PGD: variants seen among roughly 807,000 people sequenced by gnomAD.
PGD encodes the protein 6-phosphogluconate dehydrogenase, decarboxylating.
A neutral mutation model predicts 60.4 loss-of-function variants in PGD; 21 were observed. That is an observed-to-expected ratio of 0.35 (90% CI 0.25 to 0.50). The LOEUF (loss-of-function observed/expected upper bound fraction) is 0.50. PGD is among the 20% of genes least tolerant of loss of function. The probability of loss-of-function intolerance (pLI) is 0.98; values close to 1 mark genes in which losing one functional copy is unlikely to be tolerated. For missense variants in PGD, 477 were observed against 613.1 expected, an observed-to-expected ratio of 0.78 and a Z score of 2.34; for synonymous variants, 230 against 235.9, an observed-to-expected ratio of 0.97 and a Z score of 0.23.
chr1:10,401,489 G>A (rs556256750), intron 3 of PGD, among the ~76,000 whole-genome samples: 1 of 152,250 alleles, frequency 6.6e-6, no homozygotes, highest in African/African-American at 2.4e-5. Context: ...CAACAGTGGG[G>A]TTGTTTCCAC....
chr1:10,410,678 G>A (rs1639485376), intron 6 of PGD, among the ~76,000 whole-genome samples: 2 of 151,976 alleles, frequency 1.3e-5, no homozygotes, highest in Admixed American at 6.6e-5. Context: ...AATAATTTTC[G>A]GATAATCTGG....
chr1:10,404,101 T>C, intron 4 of PGD, 60 bp from the exon 5 acceptor site: 1 of 1,196,096 alleles, frequency 8.4e-7, no homozygotes, highest in East Asian at 2.4e-5. Context: ...GGTAGCATAA[T>C]GAAACATGGA....
rs367826433 is a variant in PGD at position 10,419,039 on chromosome 1, C to T, written c.1209+114C>T. On this transcript the variant is annotated intron_variant, in intron 11 of 12. Transcript: ENST00000270776. ...TTTTTGTTTTTTTGAGACAGAGTCTCGCTCTGTCACCCAGGCTGGAGTACA... is the reference window on the plus strand; with the variant it reads ...TTTTTGTTTTTTTGAGACAGAGTCTTGCTCTGTCACCCAGGCTGGAGTACA... 15 of 664,050 alleles carry T rather than the reference C, an allele frequency of 2.3e-5. 1 individual carries two copies. The highest frequency in any genetic ancestry group is 1.4e-4 in the East Asian group (5 of 36,436). 41.1% of individuals were successfully genotyped at this position (664,050 alleles called of 1,614,324 possible).
intron 8 of PGD, among the ~76,000 whole-genome samples, chr1:10,414,953 T>C (rs1639570544): frequency 6.6e-6 from 1 of 151,610 alleles, no homozygotes; most frequent in Non-Finnish European, 1.5e-5. Context: ...TAGCCAGGCA[T>C]AGTGACCCGT....
At chr1:10,411,640 C>G in intron 7 of PGD, 88 bp downstream of exon 7, 1 of 1,515,824 alleles carries the variant, frequency 6.6e-7, no homozygotes, top group Non-Finnish European at 9.0e-7. Flanking sequence ...TTCCTATCCC[C>G]TTGGCCATTC....
chr1:10,404,850 G>T (rs745353213), intron 5 of PGD, among the ~76,000 whole-genome samples: 2 of 152,146 alleles, frequency 1.3e-5, no homozygotes, highest in Non-Finnish European at 2.9e-5. Context: ...TGCAATGTCT[G>T]GATGTAGGAA....
chr1:10,404,777 G>A (rs1639372769), intron 5 of PGD, among the ~76,000 whole-genome samples: 1 of 152,188 alleles, frequency 6.6e-6, no homozygotes, highest in Non-Finnish European at 1.5e-5. Flanking sequence ...AGGGATTACA[G>A]GCATGAACCA....
chr1:10,399,352 T>G (rs1017269848), intron 1 of PGD: 1 of 558,762 alleles, frequency 1.8e-6, no homozygotes. Flanking sequence ...GGCGGGTCCC[T>G]TCGAGGGCCA....
intron 3 of PGD, 88 bp from the exon 4 acceptor site, chr1:10,402,983 T>G (rs546448695): frequency 5.4e-6 from 5 of 918,860 alleles, no homozygotes; most frequent in South Asian, 5.3e-5. Context: ...TTTTAGACTA[T>G]GTTTATTTGG....
chr1:10,405,425 C>CAT (rs1553173903), intron 5 of PGD, among the ~76,000 whole-genome samples: 99 of 149,562 alleles, frequency 6.6e-4, no homozygotes, highest in East Asian at 2.4e-3. Context: ...CACACACACA[C>CAT]ATATATATAA....
chr1:10,417,278 CT>C (rs1639612363), intron 9 of PGD, 97 bp from the exon 10 acceptor site: 8 of 1,444,888 alleles, frequency 5.5e-6, no homozygotes, highest in Admixed American at 2.0e-5. Flanking sequence ...AATATTGGCC[CT>C]TCTGGGATCT....
intron 3 of PGD, 107 bp from the exon 4 acceptor site, chr1:10,402,964 C>T (rs972966833): frequency 4.6e-5 from 37 of 813,026 alleles, no homozygotes; most frequent in Non-Finnish European, 7.0e-5. Flanking sequence ...GGCAACAGAA[C>T]GAGACTCTTT....
intron 1 of PGD, 169 bp from the exon 2 acceptor site, chr1:10,399,460 G>A: frequency 3.9e-6 from 2 of 515,756 alleles, no homozygotes; most frequent in South Asian, 4.1e-5. Flanking sequence ...GGGGCCGCCT[G>A]CCCGGCCGAG....
At chr1:10,418,499 G>A (rs995345275) in intron 10 of PGD, among the ~76,000 whole-genome samples, 3 of 152,190 alleles carry the variant, frequency 2.0e-5, no homozygotes, top group South Asian at 2.1e-4. Flanking sequence ...GCATTTGGCC[G>A]GGCGCGGTGG....
chr1:10,411,938 C>CTGAAGCATTT (rs1639507425), intron 7 of PGD, among the ~76,000 whole-genome samples: 2 of 152,198 alleles, frequency 1.3e-5, no homozygotes, highest in South Asian at 4.1e-4. Flanking sequence ...AGTAGGGAAG[C>CTGAAGCATTT]TGAAGCATTT....
intron 2 of PGD, chr1:10,399,983 C>A (rs80020751): frequency 4.4e-5 from 24 of 540,636 alleles, no homozygotes; most frequent in Non-Finnish European, 6.0e-5. Context: ...GGAGGAGAAC[C>A]CTTGCTGGCT....
At chr1:10,409,004 G>T (rs1321573803) in intron 6 of PGD, among the ~76,000 whole-genome samples, 1 of 152,218 alleles carries the variant, frequency 6.6e-6, no homozygotes, top group Non-Finnish European at 1.5e-5. Context: ...CTGAGTGGCA[G>T]TTCTGGCTTT....
chr1:10,399,673 TA>T lies in PGD; in HGVS notation c.55del (p.Ile19PhefsTer2). 3 of 1,614,140 alleles carry T rather than the reference TA, an allele frequency of 1.9e-6. No homozygotes were observed. The highest frequency in any genetic ancestry group is 1.7e-6 in the Non-Finnish European group (2 of 1,179,996). ...LIGLAVMGQN[L>X]ILNMNDHGFV... ...GGATTGGCCGTCATGGGCCAGAACT[TA>T]ATTCTGAACATGAATGACCACGGCT... On this transcript the variant is annotated frameshift_variant, in exon 2 of 13. Coordinates refer to ENST00000270776, the MANE Select transcript of PGD (RefSeq NM_002631.4). LOFTEE classifies it high-confidence loss of function.
intron 8 of PGD, among the ~76,000 whole-genome samples, 166 bp from the exon 9 acceptor site, chr1:10,416,821 T>C (rs753044636): frequency 2.0e-5 from 3 of 152,176 alleles, no homozygotes; most frequent in Non-Finnish European, 2.9e-5. Context: ...AATGGTGGAA[T>C]GTCATCAGTA....
Sources: gnomAD v4.1 joint callset for allele counts (sites outside exome capture counted in the v4.1 genomes callset) on GRCh38, gnomAD v4.1.1 for gene constraint, MANE v1.5 for transcripts, NCBI Gene and HGNC (gene_info 2026-07-23, HGNC 2026-07-21) for gene names.